LOXL1: variants seen among roughly 807,000 people sequenced by gnomAD.
The protein encoded by LOXL1 is lysyl oxidase like 1.
In LOXL1, 31 loss-of-function variants were observed where a neutral mutation model predicts 62.2. The ratio of observed to expected loss-of-function variants is 0.50; its 90% CI spans 0.37 to 0.67. LOXL1 has a LOEUF of 0.67. Among genes scored for constraint, LOXL1 ranks in the 30% least tolerant of loss-of-function variants. The pLI is 0.00. For synonymous variants in LOXL1, 403 were observed against 384.4 expected, an observed-to-expected ratio of 1.05 and a Z score of -0.56; for missense variants, 775 against 843.4, an observed-to-expected ratio of 0.92 and a Z score of 1.00.
At chr15:73,949,664 C>T in intron 6 of LOXL1, 90 bp downstream of exon 6, 1 of 849,496 alleles carries the variant, frequency 1.2e-6, no homozygotes, top group Non-Finnish European at 2.0e-6. Flanking sequence ...GATACCTGCA[C>T]TTTAGGTCAC....
Position 73,929,861 on chromosome 15 carries a change from T to C in LOXL1, c.1102+1976T>C, listed in dbSNP as rs2165241. On this transcript the variant is annotated intron_variant, in intron 1 of 6. Transcript: ENST00000261921. ...AACTGAGCTCTCAAATGCCACAATA[T>C]TGGCAGAGGCATGCCTGGGACTTGG... Among the ~76,000 whole-genome samples, 91,877 of 152,122 alleles carry C rather than the reference T, an allele frequency of 0.6. 29,038 individuals carry two copies. Among genetic ancestry groups the C allele is most frequent in the East Asian group, 0.91 (4,709 of 5,170 alleles).
At chr15:73,947,363 C>A in intron 4 of LOXL1, 140 bp downstream of exon 4, 1 of 872,956 alleles carries the variant, frequency 1.1e-6, no homozygotes, top group Non-Finnish European at 1.7e-6. Context: ...CTCACCAGTC[C>A]TCAGGCTGCC....
At chr15:73,950,760 G>C (rs1459569518) in intron 6 of LOXL1, among the ~76,000 whole-genome samples, 2 of 152,244 alleles carry the variant, frequency 1.3e-5, no homozygotes, top group Non-Finnish European at 1.5e-5. Flanking sequence ...TCTGTGACCA[G>C]AGCCAGGCTC....
chr15:73,938,215 G>C (rs1446225016), intron 1 of LOXL1, among the ~76,000 whole-genome samples: 1 of 152,026 alleles, frequency 6.6e-6, no homozygotes, highest in Non-Finnish European at 1.5e-5. Flanking sequence ...GGGAGGTGGA[G>C]GTTGCAGTGA....
rs563585817 is a variant in LOXL1 at position 73,947,085 on chromosome 15, C to T, written c.1368C>T (p.Asp456=). 2.4e-5 allele frequency: 39 copies of T among 1,609,554 alleles called. No individual in the cohort carries two copies. In the East Asian group the frequency reaches 6.9e-4, roughly 29 times the overall value. The change falls in exon 4 of 7, where the codon GAC becomes GAT. Residue 456 remains aspartate (D), a synonymous_variant. Transcript: ENST00000261921. ...CCCCTAGGCATTACCACAGCATGGA[C>T]GAGTTCAGCCACTACGACCTACTGG... ...HSCHQHYHSM[D]EFSHYDLLDA...
At chr15:73,941,942 C>T (rs1235848492) in intron 1 of LOXL1, 2 of 272,002 alleles carry the variant, frequency 7.4e-6, no homozygotes, top group Admixed American at 3.5e-5. Flanking sequence ...ACGGACAGGC[C>T]CCGGGCTCTG....
At chr15:73,950,553 C>T (rs142788010) in intron 6 of LOXL1, among the ~76,000 whole-genome samples, 1 of 152,042 alleles carries the variant, frequency 6.6e-6, no homozygotes, top group Non-Finnish European at 1.5e-5. Flanking sequence ...AGGATCAAGG[C>T]TCAGTGTGTG....
At chr15:73,932,233 C>T (rs554063027) in intron 1 of LOXL1, among the ~76,000 whole-genome samples, 8 of 152,272 alleles carry the variant, frequency 5.3e-5, no homozygotes, top group Admixed American at 1.3e-4. Flanking sequence ...TTGCTGAGTG[C>T]GTTATACATC....
In LOXL1 at chr15:73,927,167, G is replaced by A. The variant is rs2068586908; in HGVS notation, c.384G>A (p.Trp128Ter). 6.5e-7 allele frequency: 1 copy of A among 1,538,720 alleles called. No homozygotes were observed. Among genetic ancestry groups the A allele is most frequent in the Non-Finnish European group, 8.7e-7 (1 of 1,143,816 alleles). The stretch of plus-strand genomic sequence containing the variant: ...GCTTTGGCCAGGTGCCCGACAACTG[G>A]CGCGAGGTGGCCGTCGGGGACAGCA... ...PFGFGQVPDN[W>*]REVAVGDSTG... Residue 128 changes from tryptophan (W) to a stop codon, truncating the protein, a stop_gained, in exon 1 of 7, where the codon TGG becomes TGA. Coordinates refer to ENST00000261921, the MANE Select transcript of LOXL1 (RefSeq NM_005576.4). LOFTEE classifies it high-confidence loss of function.
At chr15:73,932,045 G>A (rs534531581) in intron 1 of LOXL1, among the ~76,000 whole-genome samples, 2 of 152,132 alleles carry the variant, frequency 1.3e-5, no homozygotes, top group Non-Finnish European at 2.9e-5. Flanking sequence ...GGGTACAGCC[G>A]AGCTTGAATT....
chr15:73,931,388 T>G (rs2068634779), intron 1 of LOXL1, among the ~76,000 whole-genome samples: 1 of 152,120 alleles, frequency 6.6e-6, no homozygotes, highest in African/African-American at 2.4e-5. Flanking sequence ...GATAAACCCC[T>G]GCAGTCTGAC....
chr15:73,944,044 G>A (rs1261403832), intron 2 of LOXL1, among the ~76,000 whole-genome samples: 1 of 152,212 alleles, frequency 6.6e-6, no homozygotes. Context: ...TGTTGTCGAT[G>A]TACATTCTGG....
intron 1 of LOXL1, among the ~76,000 whole-genome samples, chr15:73,935,710 C>T (rs148849074): frequency 2.0e-5 from 3 of 152,308 alleles, no homozygotes; most frequent in Non-Finnish European, 4.4e-5. Context: ...TTAGCATTGT[C>T]TGCCTCCCCC....
chr15:73,943,386 G>C (rs1410301949), intron 2 of LOXL1, among the ~76,000 whole-genome samples: 1 of 152,184 alleles, frequency 6.6e-6, no homozygotes, highest in African/African-American at 2.4e-5. Flanking sequence ...AGTCCTATTG[G>C]GTGGATGTAC....
Position 73,926,729 on chromosome 15 carries a change from A to G in LOXL1, c.-55A>G. 7.4e-7 allele frequency: 1 copy of G among 1,350,208 alleles called. No homozygotes were observed. The highest frequency in any genetic ancestry group is 9.6e-7 in the Non-Finnish European group (1 of 1,045,188). The allele number at this position is 1,350,208 out of a possible 1,614,324, so 83.6% of individuals were successfully genotyped here. A position where few individuals can be genotyped will look rare whatever the true frequency, so the allele number is the denominator to read the frequency against. On this transcript the variant is annotated 5_prime_UTR_variant, in exon 1 of 7. Coordinates refer to ENST00000261921, the MANE Select transcript of LOXL1 (RefSeq NM_005576.4). ...AGGCCGTGGGAAGAGAAGCACGCCC[A>G]GGGGGCCACTCCTGAGAGCCTCTCT... is the stretch of plus-strand genomic sequence containing the variant.
At chr15:73,928,144 T>G (rs1567083276) in intron 1 of LOXL1, 2 of 384,884 alleles carry the variant, frequency 5.2e-6, no homozygotes, top group Non-Finnish European at 9.1e-6. Context: ...CTGGCTTTGG[T>G]GGAGGGACTA....
chr15:73,927,515 C>A lies in LOXL1; in HGVS notation c.732C>A (p.Pro244=). Residue 244 remains proline (P), a synonymous_variant, in exon 1 of 7, where the codon CCC becomes CCA. Transcript: ENST00000261921. ...YEEYGGGEEL[P]EYPPQGFYPA... ...AGTACGGCGGCGGCGAAGAGCTGCC[C>A]GAGTACCCGCCTCAGGGCTTCTACC... 2 of 1,487,630 alleles carry A rather than the reference C, an allele frequency of 1.3e-6. No individual in the cohort carries two copies. Among genetic ancestry groups the A allele is most frequent in the East Asian group, 2.8e-5 (1 of 35,896 alleles). The allele number at this position is 1,487,630 out of a possible 1,614,324, so 92.2% of individuals were successfully genotyped here.
At chr15:73,949,774 G>A (rs948947423) in intron 6 of LOXL1, among the ~76,000 whole-genome samples, 200 bp downstream of exon 6, 4 of 152,182 alleles carry the variant, frequency 2.6e-5, no homozygotes, top group African/African-American at 9.7e-5. Context: ...GCCGTAGGGT[G>A]TTGATCTGGG....
chr15:73,935,589 G>A (rs556115724), intron 1 of LOXL1, among the ~76,000 whole-genome samples: 55 of 152,344 alleles, frequency 3.6e-4, no homozygotes, highest in Middle Eastern at 3.4e-3. Flanking sequence ...TGCAAGGGCG[G>A]GGAGGGCTCA....
Sources: gnomAD v4.1 joint callset for allele counts (sites outside exome capture counted in the v4.1 genomes callset) on GRCh38, gnomAD v4.1.1 for gene constraint, MANE v1.5 for transcripts, NCBI Gene and HGNC (gene_info 2026-07-23, HGNC 2026-07-21) for gene names.